PTCD3: variants seen among roughly 807,000 people sequenced by gnomAD.
The protein encoded by PTCD3 is pentatricopeptide repeat domain 3, also known as small ribosomal subunit protein mS39.
In PTCD3, 89 loss-of-function variants were observed where a neutral mutation model predicts 101.9. The observed-to-expected ratio is 0.87, with a 90% CI of 0.74 to 1.04. PTCD3 has a LOEUF of 1.04. Among genes scored for constraint, PTCD3 ranks in the 50% least tolerant of loss-of-function variants. The probability of loss-of-function intolerance (pLI) is 0.00; values close to 1 mark genes in which losing one functional copy is unlikely to be tolerated. For synonymous variants in PTCD3, 296 were observed against 278.5 expected (o/e 1.06, Z -0.63); for missense variants, 870 against 828.2 (o/e 1.05, Z -0.62).
intron 14 of PTCD3, among the ~76,000 whole-genome samples, chr2:86,128,305 T>C (rs1279693337): frequency 6.6e-6 from 1 of 151,188 alleles, no homozygotes; most frequent in Non-Finnish European, 1.5e-5. Context: ...TACCTAAAAT[T>C]ATTCTTGAGG....
rs1411729980 is a variant in PTCD3 at position 86,127,141 on chromosome 2, CTT to C, written c.952-19_952-18del. ...GATTACCCAGGCATGAAAGATACTT[CTT>C]GTTTTTTATTCACCTAGGAGCTGCT... On this transcript the variant is annotated intron_variant, in intron 12 of 23. Transcript: ENST00000254630. The C allele has an allele frequency of 6.3e-7, 1 of 1,593,352 alleles. No homozygotes were observed. The highest frequency in any genetic ancestry group is 8.5e-7 in the Non-Finnish European group (1 of 1,170,306).
rs541820007 is a variant in PTCD3, at chr2:86,137,082, A to G, written c.1921A>G (p.Ile641Val). ...VELASAFSLP[I>V]CEGLTQRVMS... ...GCTGGCAAGTGCCTTCAGCTTACCT[A>G]TTTGTGAGGGCCTCACCCAGAGAGT... is the stretch of plus-strand genomic sequence containing the variant. Residue 641 changes from isoleucine (I) to valine (V), a missense_variant, in exon 23 of 24, where the codon ATT becomes GTT. Coordinates refer to ENST00000254630, the MANE Select transcript of PTCD3 (RefSeq NM_017952.6). The G allele has an allele frequency of 4.3e-6, 7 of 1,612,282 alleles. No homozygotes were observed. The highest frequency in any genetic ancestry group is 2.7e-5 in the African/African-American group (2 of 74,982).
At position 86,129,787 on chromosome 2, in the gene PTCD3, C is replaced by CT. The variant is rs1356448678; in HGVS notation, c.1148-860dup. On this transcript the variant is annotated intron_variant, in intron 14 of 23. Transcript: ENST00000254630. ...GCATGCTTGAGTAAATTGTGAAACT[C>CT]TATCTGTACTGTCATTACAGCTTTA... Among the ~76,000 whole-genome samples the CT allele has an allele frequency of 5.3e-5, 8 of 152,136 alleles. No homozygotes were observed. In the East Asian group the frequency reaches 1.2e-3, roughly 22 times the overall value.
At position 86,136,521 on chromosome 2, in the gene PTCD3, G is replaced by A; in HGVS notation, c.1779G>A (p.Trp593Ter). 2 of 1,610,432 alleles carry A rather than the reference G, an allele frequency of 1.2e-6. No individual in the cohort carries two copies. The highest frequency in any genetic ancestry group is 1.7e-6 in the Non-Finnish European group (2 of 1,176,648). The change falls in exon 22 of 24, where the codon TGG becomes TGA. Residue 593 changes from tryptophan to a stop codon, truncating the protein, a stop_gained and splice_region_variant. Coordinates refer to ENST00000254630, the MANE Select transcript of PTCD3 (RefSeq NM_017952.6). LOFTEE classifies it high-confidence loss of function. ...FLRAGRTQEA[W>*]KMLGLFRKHN... Reference sequence around the variant, plus strand: ...ATAATCTTTTTCCTTTCTTGAGCAGGAAAATGTTGGGGCTTTTCAGGAAGC... The same window carrying A: ...ATAATCTTTTTCCTTTCTTGAGCAGAAAAATGTTGGGGCTTTTCAGGAAGC...
rs1034649203 is a variant in PTCD3, at chr2:86,141,412, A to G, written c.*3853A>G. On this transcript the variant is annotated 3_prime_UTR_variant, in exon 24 of 24. Coordinates refer to ENST00000254630, the MANE Select transcript of PTCD3 (RefSeq NM_017952.6). ...CCTTTTTATTTCCCTTCTGTGTTAA[A>G]TCAAATGATCTGTTCTGCACTGAGC... is the stretch of plus-strand genomic sequence containing the variant. 3.9e-5 allele frequency: 6 copies of G among 152,258 alleles called. No homozygotes were observed. Among genetic ancestry groups the G allele is most frequent in the African/African-American group, 1.4e-4 (6 of 41,458 alleles). The allele number at this position is 152,258 out of a possible 1,614,324, so 9.4% of individuals were successfully genotyped here.
intron 7 of PTCD3, chr2:86,119,262 G>T (rs955314768): frequency 1.8e-6 from 1 of 566,654 alleles, no homozygotes; most frequent in African/African-American, 1.9e-5. Context: ...TTGGTTTATT[G>T]TAGCACTGGT....
At chr2:86,109,590 C>T (rs930309055) in intron 3 of PTCD3, among the ~76,000 whole-genome samples, 2 of 152,064 alleles carry the variant, frequency 1.3e-5, no homozygotes, top group African/African-American at 2.4e-5. Flanking sequence ...TGAAGAAATA[C>T]GTTTGTTTAT....
chr2:86,109,232 C>T (rs112081257), intron 3 of PTCD3, among the ~76,000 whole-genome samples: 3,251 of 152,098 alleles, frequency 0.021, 119 homozygotes, highest in African/African-American at 0.073. Flanking sequence ...GGTGAAACCC[C>T]GTCTCTACTA....
At chr2:86,111,051 C>T in intron 3 of PTCD3, 62 bp from the exon 4 acceptor site, 1 of 1,445,254 alleles carries the variant, frequency 6.9e-7, no homozygotes, top group Non-Finnish European at 9.7e-7. Flanking sequence ...AGTAGAATCA[C>T]TTGTTCGGTT....
In PTCD3 at chr2:86,121,473, C is replaced by T; in HGVS notation, c.539-6C>T. Reference sequence around the variant, plus strand: ...GTTTCTTTATCTTTCTGTCTCTTACCCACAGGAACCACTGTGTCTCTTGAA... The same window carrying T: ...GTTTCTTTATCTTTCTGTCTCTTACTCACAGGAACCACTGTGTCTCTTGAA... On this transcript the variant is annotated splice_polypyrimidine_tract_variant and splice_region_variant and intron_variant, in intron 7 of 23. Transcript: ENST00000254630. 1 of 1,550,702 alleles carries T rather than the reference C, an allele frequency of 6.4e-7. No individual in the cohort carries two copies. The highest frequency in any genetic ancestry group is 8.8e-7 in the Non-Finnish European group (1 of 1,138,374).
chr2:86,134,988 G>A lies in PTCD3; in HGVS notation c.1778+1G>A, dbSNP rs747606904. On this transcript the variant is annotated splice_donor_variant, in intron 21 of 23. Transcript: ENST00000254630. LOFTEE classifies it high-confidence loss of function. The stretch of plus-strand genomic sequence containing the variant: ...GGGCTGGGAGAACTCAGGAAGCCTG[G>A]TGAGTACAGTACCACAAGTATACAC... 1 of 1,613,890 alleles carries A rather than the reference G, an allele frequency of 6.2e-7. No homozygotes were observed. The highest frequency in any genetic ancestry group is 8.5e-7 in the Non-Finnish European group (1 of 1,179,776).
At chr2:86,115,269 A>G (rs75984043) in intron 4 of PTCD3, among the ~76,000 whole-genome samples, 2 of 152,336 alleles carry the variant, frequency 1.3e-5, no homozygotes, top group East Asian at 3.9e-4. Flanking sequence ...GATGCCTGAT[A>G]TCACTACCAG....
In PTCD3 at chr2:86,117,119, C is replaced by T; in HGVS notation, c.374C>T (p.Pro125Leu). ...GCCAAGTTTATTATTAATTCATACCCCAAATATTTTCAGAAGGACATAGCT... is the reference window on the plus strand; with the variant it reads ...GCCAAGTTTATTATTAATTCATACCTCAAATATTTTCAGAAGGACATAGCT... ...NVAKFIINSYPKYFQKDIAEP... is the reference protein window; with the variant it reads ...NVAKFIINSYLKYFQKDIAEP... Residue 125 changes from proline to leucine, a missense_variant, in exon 6 of 24, where the codon CCC (proline) becomes CTC (leucine). By Grantham distance (98) the Pro-to-Leu change is moderately conservative. Transcript: ENST00000254630. 6.8e-7 allele frequency: 1 copy of T among 1,475,012 alleles called. No individual in the cohort carries two copies. The highest frequency in any genetic ancestry group is 1.1e-5 in the South Asian group (1 of 87,990). 91.4% of individuals were successfully genotyped at this position (1,475,012 alleles called of 1,614,324 possible). A position where few individuals can be genotyped will look rare whatever the true frequency, so the allele number is the denominator to read the frequency against.
chr2:86,125,307 G>T, intron 10 of PTCD3, 148 bp from the exon 11 acceptor site: 1 of 1,081,860 alleles, frequency 9.2e-7, no homozygotes. Context: ...CCAGTGGATA[G>T]AAAATCCCAC....
chr2:86,117,537 C>A (rs1674197069), intron 6 of PTCD3, among the ~76,000 whole-genome samples: 1 of 151,432 alleles, frequency 6.6e-6, no homozygotes, highest in Non-Finnish European at 1.5e-5. Context: ...AGCCTGGAAC[C>A]CCTGGGCTCA....
intron 3 of PTCD3, chr2:86,108,835 AT>A (rs1268914889): frequency 3.4e-6 from 1 of 290,816 alleles, no homozygotes; most frequent in African/African-American, 2.2e-5. Context: ...CATTAGAATA[AT>A]TTTTTTCAAG....
At chr2:86,137,434 T>C in intron 23 of PTCD3, 35 bp from the exon 24 acceptor site, 1 of 1,612,546 alleles carries the variant, frequency 6.2e-7, no homozygotes, top group Non-Finnish European at 8.5e-7. Flanking sequence ...CCCAGTTGAA[T>C]TGCAGTGTAA....
At chr2:86,114,289 C>T (rs1310094492) in intron 4 of PTCD3, among the ~76,000 whole-genome samples, 1 of 144,046 alleles carries the variant, frequency 6.9e-6, no homozygotes, top group Non-Finnish European at 1.5e-5. Context: ...TTTTTTCTTT[C>T]TTTTTTTTTT....
chr2:86,108,561 C>G (rs1674010275), intron 3 of PTCD3, 25 bp downstream of exon 3: 3 of 1,579,432 alleles, frequency 1.9e-6, no homozygotes, highest in Non-Finnish European at 2.6e-6. Flanking sequence ...AGTGTTCATT[C>G]AGCAAATGGT....
Sources: gnomAD v4.1 joint callset for allele counts (sites outside exome capture counted in the v4.1 genomes callset) on GRCh38, gnomAD v4.1.1 for gene constraint, MANE v1.5 for transcripts, NCBI Gene and HGNC (gene_info 2026-07-23, HGNC 2026-07-21) for gene names.